Variants in DSG3 observed in about 807,000 individuals in gnomAD.
DSG3 encodes the protein desmoglein 3.
In DSG3, 63 loss-of-function variants were observed where a neutral mutation model predicts 85.9. That is an observed-to-expected ratio of 0.73 (90% CI 0.60 to 0.90). DSG3 has a LOEUF of 0.90. Among genes scored for constraint, DSG3 ranks in the 40% least tolerant of loss-of-function variants. The pLI, the probability that DSG3 is intolerant of heterozygous loss-of-function variation, is 0.00. For missense variants in DSG3, 1,220 were observed against 1,219.9 expected (o/e 1.00, Z 0.00); for synonymous variants, 447 against 441.9 (o/e 1.01, Z -0.14).
At chr18:31,456,925 T>C (rs2072745738) in intron 2 of DSG3, 68 bp from the exon 3 acceptor site, 1 of 1,528,256 alleles carries the variant, frequency 6.5e-7, no homozygotes, top group Non-Finnish European at 8.8e-7. Flanking sequence ...ACTAGGTGTC[T>C]GTAATCAATA....
chr18:31,457,608 CTT>C (rs773592749), intron 3 of DSG3, among the ~76,000 whole-genome samples: 40 of 97,476 alleles, frequency 4.1e-4, no homozygotes, highest in African/African-American at 1.9e-3. Flanking sequence ...TTCTTTCTTT[CTT>C]TCTTTCTTTC....
chr18:31,451,103 TGCTTGTTTG>T (rs1555665687), intron 1 of DSG3, among the ~76,000 whole-genome samples: 1 of 152,196 alleles, frequency 6.6e-6, no homozygotes, highest in South Asian at 2.1e-4. Context: ...CAGTTTCTTG[TGCTTGTTTG>T]ATCCATTTTA....
intron 9 of DSG3, among the ~76,000 whole-genome samples, 189 bp from the exon 10 acceptor site, chr18:31,465,129 A>G (rs570912736): frequency 6.6e-6 from 1 of 152,052 alleles, no homozygotes; most frequent in South Asian, 2.1e-4. Context: ...CCGTCTCAAA[A>G]AAAAAAAAAA....
intron 13 of DSG3, 44 bp downstream of exon 13, chr18:31,472,467 A>C (rs753191052): frequency 3.0e-5 from 47 of 1,578,820 alleles, no homozygotes; most frequent in Non-Finnish European, 3.8e-5. Flanking sequence ...TTACATAGAG[A>C]AAATGTTTGA....
At chr18:31,449,973 TA>T (rs1261018712) in intron 1 of DSG3, among the ~76,000 whole-genome samples, 3 of 152,242 alleles carry the variant, frequency 2.0e-5, no homozygotes, top group Non-Finnish European at 4.4e-5. Flanking sequence ...AATAATTTTT[TA>T]TGTTGATTAC....
At chr18:31,474,059 T>C (rs2072871168) in intron 14 of DSG3, 62 bp from the exon 15 acceptor site, 1 of 1,543,186 alleles carries the variant, frequency 6.5e-7, no homozygotes, top group Non-Finnish European at 8.8e-7. Context: ...CCAAGACCCA[T>C]TTTATAAAAA....
chr18:31,469,051 T>G, intron 11 of DSG3, 38 bp from the exon 12 acceptor site: 1 of 1,605,278 alleles, frequency 6.2e-7, no homozygotes, highest in Non-Finnish European at 8.5e-7. Flanking sequence ...AAAAGACACT[T>G]CGTCCTACTG....
chr18:31,476,530 A>C lies in DSG3; in HGVS notation c.*270A>C, dbSNP rs956672092. 1.5e-5 allele frequency: 5 copies of C among 338,208 alleles called. No individual in the cohort carries two copies. The Admixed American group carries it at 2.2e-4, about 15-fold the overall frequency. 21.0% of individuals were successfully genotyped at this position (338,208 alleles called of 1,614,324 possible). On this transcript the variant is annotated 3_prime_UTR_variant, in exon 16 of 16. Transcript: ENST00000257189. ...CATATTCGCCAGGAAATTTTCCTAA[A>C]CATTCTTAAGCTTCTATTTTTCCCC... is the stretch of plus-strand genomic sequence containing the variant.
At chr18:31,465,556 C>T (rs1383589714) in intron 10 of DSG3, 99 bp downstream of exon 10, 2 of 1,105,298 alleles carry the variant, frequency 1.8e-6, no homozygotes, top group Non-Finnish European at 2.4e-6. Context: ...ATCTTTACCA[C>T]TGGAGAGAGA....
At chr18:31,466,968 C>G (rs567768383) in intron 11 of DSG3, among the ~76,000 whole-genome samples, 9 of 152,130 alleles carry the variant, frequency 5.9e-5, no homozygotes, top group Admixed American at 1.3e-4. Context: ...ATTTTGAATC[C>G]TTTTTAGGGT....
In DSG3 at chr18:31,458,576, CCGGG is replaced by C; in HGVS notation, c.349_352del (p.Glu118LysfsTer6). 2 of 1,613,460 alleles carry C rather than the reference CCGGG, an allele frequency of 1.2e-6. No individual in the cohort carries two copies. Among genetic ancestry groups the C allele is most frequent in the Non-Finnish European group, 8.5e-7 (1 of 1,179,656 alleles). On this transcript the variant is annotated frameshift_variant, in exon 4 of 16. Transcript: ENST00000257189. LOFTEE classifies it high-confidence loss of function. ...ATATTAACATAACAGCTATAGTCGA[CCGGG>C]AGGAAACTCCAAGCTTCCTGGTAAG...
chr18:31,472,334 G>A lies in DSG3; in HGVS notation c.1948G>A (p.Gly650Arg), dbSNP rs907432395. 39 of 1,614,050 alleles carry A rather than the reference G, an allele frequency of 2.4e-5. No homozygotes were observed. Among genetic ancestry groups the A allele is most frequent in the Non-Finnish European group, 3.3e-5 (39 of 1,180,036 alleles). Residue 650 changes from glycine to arginine, a missense_variant, in exon 13 of 16, where the codon GGA (glycine) becomes AGA (arginine). Transcript: ENST00000257189. ...TGACTGTGGGGCAGGTTCTACTGGG[G>A]GAGTGACAGGTGGTTTTATCCCAGT... ...TCDCGAGSTGGVTGGFIPVPD... is the reference protein window; with the variant it reads ...TCDCGAGSTGRVTGGFIPVPD...
rs749745510 is a variant in DSG3, at chr18:31,447,917, A to G, written c.40A>G (p.Ile14Val). 4 of 1,584,926 alleles carry G rather than the reference A, an allele frequency of 2.5e-6. No homozygotes were observed. In the East Asian group the frequency reaches 7.2e-5, roughly 29 times the overall value. Residue 14 changes from isoleucine to valine, a missense_variant, in exon 1 of 16, where the codon ATC becomes GTC. Physicochemically the swap from Ile to Val is conservative, Grantham distance 29. Coordinates refer to ENST00000257189, the MANE Select transcript of DSG3 (RefSeq NM_001944.3). ...CCCCAGAACTACAGGGGCTCTGGCC[A>G]TCTTCGTGGTAAGTCCTGGATTTTC... Reference protein sequence around the residue: ...LFPRTTGALAIFVVVILVHGE... With the variant: ...LFPRTTGALAVFVVVILVHGE...
intron 12 of DSG3, among the ~76,000 whole-genome samples, chr18:31,469,887 TAA>T (rs2072845509): frequency 6.7e-6 from 1 of 148,306 alleles, no homozygotes; most frequent in African/African-American, 2.5e-5. Flanking sequence ...CATATGCTAT[TAA>T]GATAGCTAGG....
chr18:31,464,096 T>C lies in DSG3; in HGVS notation c.1000-15T>C, dbSNP rs576091748. On this transcript the variant is annotated splice_polypyrimidine_tract_variant and intron_variant, in intron 8 of 15. Coordinates refer to ENST00000257189, the MANE Select transcript of DSG3 (RefSeq NM_001944.3). ...ATTTTTGTGAAACTGCCTTCTAATT[T>C]TATTTTTTCTCCAGGCTCTAGATTA... 81 of 1,603,132 alleles carry C rather than the reference T, an allele frequency of 5.1e-5. 1 individual carries two copies. The South Asian group carries it at 8.4e-4, about 17-fold the overall frequency.
At chr18:31,449,625 A>G (rs2144257500) in intron 1 of DSG3, among the ~76,000 whole-genome samples, 1 of 152,344 alleles carries the variant, frequency 6.6e-6, no homozygotes, top group African/African-American at 2.4e-5. Flanking sequence ...TTGAAGAATG[A>G]GTAAATGAAT....
Position 31,459,620 on chromosome 18 carries a change from G to C in DSG3, c.518-225G>C, listed in dbSNP as rs192430980. On this transcript the variant is annotated intron_variant, in intron 5 of 15. Coordinates refer to ENST00000257189, the MANE Select transcript of DSG3 (RefSeq NM_001944.3). Reference sequence around the variant, plus strand: ...GAATATAGCCTCAATCTCAGCAAACGTAAGGCTTAGAGAGAATCGAAGAGT... The same window carrying C: ...GAATATAGCCTCAATCTCAGCAAACCTAAGGCTTAGAGAGAATCGAAGAGT... 2.6e-5 allele frequency among the ~76,000 whole-genome samples: 4 copies of C among 152,262 alleles called. No homozygotes were observed. The East Asian group carries it at 7.7e-4, about 29-fold the overall frequency.
At chr18:31,457,521 C>A (rs1034968293) in intron 3 of DSG3, among the ~76,000 whole-genome samples, 2 of 142,480 alleles carry the variant, frequency 1.4e-5, no homozygotes, top group Middle Eastern at 3.6e-3. Context: ...TTATACTATT[C>A]TCTTTCTTTC....
At chr18:31,453,574 T>C (rs1344052350) in intron 1 of DSG3, among the ~76,000 whole-genome samples, 1 of 152,212 alleles carries the variant, frequency 6.6e-6, no homozygotes, top group Non-Finnish European at 1.5e-5. Context: ...ATCAAATTGC[T>C]TTATTTCATA....
Sources: gnomAD v4.1 joint callset for allele counts (sites outside exome capture counted in the v4.1 genomes callset) on GRCh38, gnomAD v4.1.1 for gene constraint, MANE v1.5 for transcripts, NCBI Gene and HGNC (gene_info 2026-07-23, HGNC 2026-07-21) for gene names.